Variants in OSBPL10 observed in about 807,000 individuals in gnomAD.
OSBPL10 encodes the protein oxysterol binding protein like 10, also known as oxysterol-binding protein-related protein 10.
Under a neutral mutation model 81.7 loss-of-function variants are expected in OSBPL10, and 49 were observed. The ratio of observed to expected loss-of-function variants is 0.60; its 90% confidence interval spans 0.48 to 0.76. The LOEUF (loss-of-function observed/expected upper bound fraction) is 0.76, where lower values mean the gene tolerates loss of function less well. OSBPL10 is among the 30% of genes least tolerant of loss of function. The pLI is 0.00. For missense variants in OSBPL10, 923 were observed against 987.8 expected (o/e 0.93, Z 0.88); for synonymous variants, 419 against 383.6 (o/e 1.09, Z -1.08).
At chr3:31,695,809 T>C (rs1695702053) in intron 7 of OSBPL10, among the ~76,000 whole-genome samples, 1 of 152,172 alleles carries the variant, frequency 6.6e-6, no homozygotes, top group African/African-American at 2.4e-5. Context: ...CCTTTGCTCT[T>C]TATCACTCTC....
chr3:31,979,016 G>T (rs569268992), intron 1 of OSBPL10, among the ~76,000 whole-genome samples: 4 of 152,074 alleles, frequency 2.6e-5, no homozygotes, highest in Non-Finnish European at 4.4e-5. Flanking sequence ...TGTAATCCAG[G>T]GTAAAAGCTT....
chr3:31,931,180 C>T (rs542333303), intron 1 of OSBPL10, among the ~76,000 whole-genome samples: 1 of 152,074 alleles, frequency 6.6e-6, no homozygotes, highest in South Asian at 2.1e-4. Flanking sequence ...GGAAACAATT[C>T]ATGGCATTCT....
At chr3:31,758,059 A>T (rs76240305) in intron 4 of OSBPL10, among the ~76,000 whole-genome samples, 13,934 of 152,190 alleles carry the variant, frequency 0.092, 830 homozygotes, top group African/African-American at 0.18. Flanking sequence ...GCACAAACTT[A>T]AAAATCTGCA....
At chr3:32,066,170 AAGGAAGG>A (rs1575095301) in intron 1 of OSBPL10, among the ~76,000 whole-genome samples, 1 of 19,560 alleles carries the variant, frequency 5.1e-5, no homozygotes, top group East Asian at 5.5e-3. Context: ...GAAAGGAAGG[AAGGAAGG>A]AAGGAAGGAA....
In OSBPL10 at chr3:31,863,793, TA is replaced by T. The variant is rs570346721; in HGVS notation, c.537+12639del. ...CTACTGGTTAATAGTTCTCTCTCTATAAAAAAAAATTGTTATACTTGATCAA... is the reference window on the plus strand; with the variant it reads ...CTACTGGTTAATAGTTCTCTCTCTATAAAAAAAATTGTTATACTTGATCAA... On this transcript the variant is annotated intron_variant, in intron 3 of 11. Transcript: ENST00000396556. Among the ~76,000 whole-genome samples, 1,137 of 151,556 alleles carry T rather than the reference TA, an allele frequency of 7.5e-3. 20 individuals carry two copies. The highest frequency in any genetic ancestry group is 0.025 in the African/African-American group (1,047 of 41,344).
intron 4 of OSBPL10, among the ~76,000 whole-genome samples, chr3:31,822,639 A>G (rs886879287): frequency 3.9e-5 from 6 of 152,124 alleles, no homozygotes; most frequent in Non-Finnish European, 5.9e-5. Context: ...GGCCAGGTGC[A>G]GTGGCTCACC....
chr3:32,011,460 C>T lies in OSBPL10; in HGVS notation n.298+35031G>A, dbSNP rs578047781. ...ATCTGTACGTCACCATCATCAAAGA[C>T]CAAAAGTAGATAAAACCACAAAGAT... is the stretch of plus-strand genomic sequence containing the variant. On this transcript the variant is annotated intron_variant and non_coding_transcript_variant, in intron 2 of 3. Coordinates refer to the OSBPL10 transcript ENST00000479173. 5.3e-5 allele frequency among the ~76,000 whole-genome samples: 8 copies of T among 152,166 alleles called. No homozygotes were observed. In the East Asian group the frequency reaches 1.4e-3, roughly 26 times the overall value.
chr3:31,961,744 T>A (rs1698169917), intron 1 of OSBPL10, among the ~76,000 whole-genome samples: 1 of 151,974 alleles, frequency 6.6e-6, no homozygotes, highest in African/African-American at 2.4e-5. Context: ...AATTTCATTT[T>A]AAATGGCATA....
intron 4 of OSBPL10, among the ~76,000 whole-genome samples, chr3:31,814,727 G>A (rs1215754925): frequency 6.6e-6 from 1 of 152,126 alleles, no homozygotes; most frequent in East Asian, 1.9e-4. Context: ...ACATTTCTGT[G>A]GTTTAAGCCA....
intron 4 of OSBPL10, among the ~76,000 whole-genome samples, chr3:31,762,630 A>ATTTTTTTTTTTTGTTTTTTT (rs1698081513): frequency 1.6e-5 from 1 of 61,514 alleles, no homozygotes; most frequent in Non-Finnish European, 2.7e-5. Flanking sequence ...CATGCCCAGC[A>ATTTTTTTTTTTTGTTTTTTT]TTTTTTTTTT....
chr3:31,695,946 C>T (rs1262509687), intron 7 of OSBPL10, among the ~76,000 whole-genome samples: 1 of 152,198 alleles, frequency 6.6e-6, no homozygotes, highest in South Asian at 2.1e-4. Context: ...ATCCTTCACA[C>T]GTCAGTATGC....
chr3:31,764,609 C>A (rs1698145014), intron 4 of OSBPL10, among the ~76,000 whole-genome samples: 1 of 152,178 alleles, frequency 6.6e-6, no homozygotes, highest in Non-Finnish European at 1.5e-5. Flanking sequence ...TTTCATTGCC[C>A]CTAGTTTGTT....
chr3:31,842,120 T>C lies in OSBPL10; in HGVS notation c.538-11889A>G, dbSNP rs11929209. Reference sequence around the variant, plus strand: ...GAGCAGCAAGCCTACGCTTGATGAATGGGCCTTGGAACTTTAGAGCTAAAG... The same window carrying C: ...GAGCAGCAAGCCTACGCTTGATGAACGGGCCTTGGAACTTTAGAGCTAAAG... On this transcript the variant is annotated intron_variant, in intron 3 of 11. Coordinates refer to ENST00000396556, the MANE Select transcript of OSBPL10 (RefSeq NM_017784.5). Among the ~76,000 whole-genome samples, 318 of 152,334 alleles carry C rather than the reference T, an allele frequency of 2.1e-3. 1 individual carries two copies. The highest frequency in any genetic ancestry group is 4.9e-3 in the Admixed American group (75 of 15,302).
chr3:31,784,213 C>G (rs1198432221), intron 4 of OSBPL10, among the ~76,000 whole-genome samples: 1 of 151,644 alleles, frequency 6.6e-6, no homozygotes. Flanking sequence ...AACAAAAAAA[C>G]TAGCCAGGTG....
chr3:31,684,791 G>A (rs1031712070), intron 7 of OSBPL10, among the ~76,000 whole-genome samples: 5 of 152,190 alleles, frequency 3.3e-5, no homozygotes, highest in South Asian at 2.1e-4. Flanking sequence ...TGTGGAGGTC[G>A]GTCCTCAAGG....
At chr3:32,002,944 G>A (rs981177946) in intron 2 of OSBPL10, among the ~76,000 whole-genome samples, 2 of 152,188 alleles carry the variant, frequency 1.3e-5, no homozygotes, top group Non-Finnish European at 1.5e-5. Context: ...AACACAGTGG[G>A]AGAAGCAACT....
At chr3:31,892,539 A>AC in intron 1 of OSBPL10, among the ~76,000 whole-genome samples, 1 of 152,188 alleles carries the variant, frequency 6.6e-6, no homozygotes, top group East Asian at 1.9e-4. Flanking sequence ...AAAAAAGTCA[A>AC]CTATAAAACT....
chr3:31,986,866 A>G (rs1408475304), intron 2 of OSBPL10, among the ~76,000 whole-genome samples: 3 of 152,044 alleles, frequency 2.0e-5, no homozygotes, highest in Admixed American at 2.0e-4. Context: ...TAAGCCAGCC[A>G]CAGTGGCACA....
At chr3:31,872,165 C>G (rs1234671390) in intron 3 of OSBPL10, among the ~76,000 whole-genome samples, 1 of 152,176 alleles carries the variant, frequency 6.6e-6, no homozygotes, top group Non-Finnish European at 1.5e-5. Flanking sequence ...ACCTATGTGA[C>G]ATGGAGAAAA....
Sources: allele counts gnomAD v4.1 joint callset (sites outside exome capture counted in the v4.1 genomes callset), GRCh38; gene constraint gnomAD v4.1.1; transcripts MANE v1.5; gene names NCBI Gene and HGNC (gene_info 2026-07-23, HGNC 2026-07-21).